Variants in NBEAL1 observed in about 807,000 individuals in gnomAD.
NBEAL1 encodes the protein neurobeachin-like protein 1.
In NBEAL1, 273 loss-of-function variants were observed where a neutral mutation model predicts 351.3. The ratio of observed to expected loss-of-function variants is 0.78; its 90% CI spans 0.70 to 0.86. The LOEUF (loss-of-function observed/expected upper bound fraction) is 0.86, where lower values mean the gene tolerates loss of function less well. Among genes scored for constraint, NBEAL1 ranks in the 40% least tolerant of loss-of-function variants. NBEAL1 has a pLI of 0.00. For missense variants in NBEAL1, 2,961 were observed against 3,201.3 expected, an observed-to-expected ratio of 0.92 and a Z score of 1.81; for synonymous variants, 1,050 against 1,086.4, an observed-to-expected ratio of 0.97 and a Z score of 0.66.
At chr2:203,146,132 T>G (rs534513626) in intron 33 of NBEAL1, among the ~76,000 whole-genome samples, 2 of 152,040 alleles carry the variant, frequency 1.3e-5, no homozygotes. Context: ...CACATAAATA[T>G]GACAACTTAA....
chr2:203,080,359 C>T (rs1007559465), intron 8 of NBEAL1, among the ~76,000 whole-genome samples: 1 of 152,124 alleles, frequency 6.6e-6, no homozygotes, highest in Admixed American at 6.5e-5. Flanking sequence ...TTGCAGTGAG[C>T]CGAGATCGCA....
chr2:203,154,885 C>T (rs1172265610), intron 35 of NBEAL1, among the ~76,000 whole-genome samples: 4 of 141,726 alleles, frequency 2.8e-5, no homozygotes, highest in African/African-American at 5.3e-5. Context: ...CAGTGAGCCA[C>T]GATCGTGTCA....
chr2:203,090,762 G>A (rs902849256), intron 10 of NBEAL1, among the ~76,000 whole-genome samples: 1 of 152,102 alleles, frequency 6.6e-6, no homozygotes, highest in African/African-American at 2.4e-5. Flanking sequence ...CGTGGCGCAT[G>A]CCTGTAATCC....
intron 7 of NBEAL1, among the ~76,000 whole-genome samples, chr2:203,071,288 G>A (rs986839220): frequency 1.5e-4 from 23 of 152,138 alleles, no homozygotes; most frequent in African/African-American, 5.6e-4. Context: ...GTTGAGATCT[G>A]TCTTTGTGGC....
Position 203,068,397 on chromosome 2 carries a change from A to G in NBEAL1, c.520A>G (p.Ile174Val). 1.3e-6 allele frequency: 2 copies of G among 1,516,428 alleles called. No homozygotes were observed. Among genetic ancestry groups the G allele is most frequent in the South Asian group, 2.6e-5 (2 of 77,290 alleles). 93.9% of individuals were successfully genotyped at this position (1,516,428 alleles called of 1,614,324 possible). The change falls in exon 7 of 56, where the codon ATC becomes GTC. Residue 174 changes from isoleucine (I) to valine (V), a missense_variant. Ile to Val is a conservative substitution (Grantham distance 29, BLOSUM62 3). Transcript: ENST00000683969. ...RNWRHRISGR[I>V]LSTVEKSRQK... is the part of the protein sequence containing the mutation. ...TTAACTTCTTTTTAATGATAGACGA[A>G]TCCTTAGTACTGTGGAAAAGAGCAG...
chr2:203,043,922 C>T (rs1171907789), intron 3 of NBEAL1, among the ~76,000 whole-genome samples: 3 of 152,018 alleles, frequency 2.0e-5, no homozygotes, highest in African/African-American at 7.3e-5. Context: ...CATGAAGTAC[C>T]ATGCATGCAA....
intron 4 of NBEAL1, among the ~76,000 whole-genome samples, chr2:203,055,928 T>G (rs955348160): frequency 1.9e-4 from 29 of 152,216 alleles, no homozygotes; most frequent in African/African-American, 7.0e-4. Flanking sequence ...TTTCAAGGAC[T>G]TTTAATGTAG....
In NBEAL1 at chr2:203,138,736, G is replaced by C; in HGVS notation, c.4836G>C (p.Arg1612Ser). The change falls in exon 31 of 56, where the codon AGG becomes AGC. Residue 1612 changes from arginine (R) to serine (S), a missense_variant. Arg to Ser is a moderately radical substitution (Grantham distance 110). Coordinates refer to ENST00000683969, the MANE Select transcript of NBEAL1 (RefSeq NM_001378026.1). ...AGTTGCTTCTAGGATTCATTGGAAGGGGTAATTTGCAGGTTTGTCCATTCT... is the reference window on the plus strand; with the variant it reads ...AGTTGCTTCTAGGATTCATTGGAAGCGGTAATTTGCAGGTTTGTCCATTCT... Reference protein sequence around the residue: ...QIQLLLGFIGRGNLQVCAMAS... With the variant: ...QIQLLLGFIGSGNLQVCAMAS... The C allele has an allele frequency of 6.2e-7, 1 of 1,610,918 alleles. No individual in the cohort carries two copies. The highest frequency in any genetic ancestry group is 1.7e-5 in the Admixed American group (1 of 59,332).
At chr2:203,017,966 T>G (rs2060707033) in intron 2 of NBEAL1, among the ~76,000 whole-genome samples, 1 of 152,132 alleles carries the variant, frequency 6.6e-6, no homozygotes, top group African/African-American at 2.4e-5. Context: ...ATAATTTGTG[T>G]GCTTAATACG....
At chr2:203,087,918 T>C (rs149147464) in intron 10 of NBEAL1, among the ~76,000 whole-genome samples, 7 of 152,226 alleles carry the variant, frequency 4.6e-5, no homozygotes, top group Non-Finnish European at 8.8e-5. Flanking sequence ...AATTTGCAGT[T>C]GGTTGCCTAG....
chr2:203,167,420 T>A, intron 38 of NBEAL1, 60 bp downstream of exon 38: 1 of 1,474,688 alleles, frequency 6.8e-7, no homozygotes, highest in Non-Finnish European at 9.1e-7. Flanking sequence ...TTCCAGCTAG[T>A]GAGCTCTAAT....
At chr2:203,173,451 CTT>C (rs2064385581) in intron 41 of NBEAL1, among the ~76,000 whole-genome samples, 2 of 152,024 alleles carry the variant, frequency 1.3e-5, no homozygotes, top group Non-Finnish European at 2.9e-5. Flanking sequence ...TTAGGGATGA[CTT>C]TTGAGTTTTG....
At position 203,057,443 on chromosome 2, in the gene NBEAL1, A is replaced by G. The variant is rs2061422244; in HGVS notation, c.505A>G (p.Arg169Gly). The G allele has an allele frequency of 1.9e-6, 3 of 1,549,900 alleles. No individual in the cohort carries two copies. The highest frequency in any genetic ancestry group is 1.2e-5 in the South Asian group (1 of 83,886). ...LYDPYRNWRH[R>G]ISGRILSTVE... ...TGATCCATATCGGAATTGGAGACAT[A>G]GAATTTCAGGGTATGTCTTATAAAT... is the stretch of plus-strand genomic sequence containing the variant. Residue 169 changes from arginine to glycine, a missense_variant, in exon 6 of 56, where the codon AGA becomes GGA. Physicochemically the swap from Arg to Gly is moderately radical, Grantham distance 125 (BLOSUM62 -2). Coordinates refer to ENST00000683969, the MANE Select transcript of NBEAL1 (RefSeq NM_001378026.1).
intron 15 of NBEAL1, 148 bp downstream of exon 15, chr2:203,110,430 T>C: frequency 2.5e-6 from 2 of 787,096 alleles, no homozygotes; most frequent in Non-Finnish European, 3.8e-6. Context: ...CCCAGCACTT[T>C]AGGAGCCCAA....
intron 35 of NBEAL1, among the ~76,000 whole-genome samples, chr2:203,156,394 C>T (rs2063799352): frequency 6.6e-6 from 1 of 152,218 alleles, no homozygotes; most frequent in South Asian, 2.1e-4. Flanking sequence ...CTTCACCAAT[C>T]TTTCATCAGA....
In NBEAL1 at chr2:203,201,599, T is replaced by C; in HGVS notation, c.7295T>C (p.Leu2432Pro). The change falls in exon 50 of 56, where the codon CTA (leucine) becomes CCA (proline). Residue 2432 changes from leucine to proline, a missense_variant. Physicochemically the swap from Leu to Pro is moderately conservative, Grantham distance 98 (BLOSUM62 -3). Transcript: ENST00000683969. ...CCCGGGCTAGAGATCACTTCTAAGCTATTTGTAGTATCACATGATGCAAAG... is the reference window on the plus strand; with the variant it reads ...CCCGGGCTAGAGATCACTTCTAAGCCATTTGTAGTATCACATGATGCAAAG... Reference protein sequence around the residue: ...FAPGLEITSKLFVVSHDAKLL... With the variant: ...FAPGLEITSKPFVVSHDAKLL... 1 of 1,612,370 alleles carries C rather than the reference T, an allele frequency of 6.2e-7. No individual in the cohort carries two copies. Among genetic ancestry groups the C allele is most frequent in the Non-Finnish European group, 8.5e-7 (1 of 1,179,070 alleles).
At chr2:203,205,626 T>C (rs1441591359) in intron 51 of NBEAL1, among the ~76,000 whole-genome samples, 10 of 152,250 alleles carry the variant, frequency 6.6e-5, no homozygotes, top group African/African-American at 2.4e-4. Context: ...ACATAGTTTA[T>C]GGTATATTGT....
intron 25 of NBEAL1, 79 bp from the exon 26 acceptor site, chr2:203,131,891 TTAA>T (rs952989951): frequency 1.0e-5 from 10 of 988,522 alleles, no homozygotes; most frequent in African/African-American, 9.9e-5. Context: ...ATATTTAATG[TTAA>T]TAAGTTAACA....
chr2:203,151,672 A>G, intron 35 of NBEAL1, 83 bp downstream of exon 35: 3 of 1,314,200 alleles, frequency 2.3e-6, no homozygotes, highest in Non-Finnish European at 3.0e-6. Context: ...TATTGTTTTA[A>G]ATGTGTTTAC....
Sources: gnomAD v4.1 joint callset for allele counts (sites outside exome capture counted in the v4.1 genomes callset) on GRCh38, gnomAD v4.1.1 for gene constraint, MANE v1.5 for transcripts, NCBI Gene and HGNC (gene_info 2026-07-23, HGNC 2026-07-21) for gene names.